The following CACNA1E variants were observed in gnomAD, a reference collection of about 807,000 sequenced individuals.
CACNA1E encodes voltage-dependent R-type calcium channel subunit alpha-1E.
A neutral mutation model predicts 259.2 loss-of-function variants in CACNA1E; 40 were observed. That is an observed-to-expected ratio of 0.15 (90% CI 0.12 to 0.20). The LOEUF (loss-of-function observed/expected upper bound fraction) is 0.20. Among genes scored for constraint, CACNA1E ranks in the 10% least tolerant of loss-of-function variants. The probability of loss-of-function intolerance (pLI) is 1.00; values close to 1 mark genes in which losing one functional copy is unlikely to be tolerated. For missense variants in CACNA1E, 1,874 were observed against 3,040.1 expected, an observed-to-expected ratio of 0.62 and a Z score of 9.02; for synonymous variants, 1,104 against 1,138.5, an observed-to-expected ratio of 0.97 and a Z score of 0.61.
At chr1:181,372,327 G>T (rs534421331) in intron 1 of CACNA1E, among the ~76,000 whole-genome samples, 2 of 152,216 alleles carry the variant, frequency 1.3e-5, no homozygotes, top group East Asian at 3.9e-4. Context: ...CTGGTTAGCT[G>T]TATTACTAGA....
intron 1 of CACNA1E, among the ~76,000 whole-genome samples, chr1:181,319,610 T>C (rs1024016196): frequency 3.9e-5 from 6 of 152,228 alleles, no homozygotes; most frequent in Non-Finnish European, 7.3e-5. Context: ...CTTTGTAGTA[T>C]AGTGTAATCA....
At chr1:181,771,428 A>G (rs757402076) in intron 36 of CACNA1E, 44 bp downstream of exon 36, 5 of 1,014,232 alleles carry the variant, frequency 4.9e-6, no homozygotes, top group South Asian at 4.1e-5. Context: ...CTCCTGATGG[A>G]GGGAGAGAGA....
intron 7 of CACNA1E, among the ~76,000 whole-genome samples, chr1:181,654,293 T>C (rs1659011835): frequency 6.6e-6 from 1 of 151,356 alleles, no homozygotes; most frequent in Non-Finnish European, 1.5e-5. Flanking sequence ...TATAAGAATG[T>C]AATAAAATAT....
At chr1:181,373,767 C>T (rs181497030) in intron 1 of CACNA1E, among the ~76,000 whole-genome samples, 4 of 152,058 alleles carry the variant, frequency 2.6e-5, no homozygotes, top group African/African-American at 7.2e-5. Flanking sequence ...CCTTGTGATC[C>T]GCCCGCCTTG....
intron 2 of CACNA1E, among the ~76,000 whole-genome samples, chr1:181,461,323 C>T (rs981108606): frequency 1.3e-5 from 2 of 151,934 alleles, no homozygotes; most frequent in African/African-American, 4.8e-5. Flanking sequence ...GGGCGGATCA[C>T]GAGGTCAGGA....
Position 181,772,051 on chromosome 1 carries a change from G to GTCTC in CACNA1E, c.4974-13_4974-10dup, listed in dbSNP as rs759546688. On this transcript the variant is annotated splice_polypyrimidine_tract_variant and intron_variant, in intron 36 of 47. Coordinates refer to ENST00000367573, the MANE Select transcript of CACNA1E (RefSeq NM_001205293.3). Reference sequence around the variant, plus strand: ...CAGAGCTGCTCCTGCTAACCAAAATGTCTCTTGGGCTCAGGAGTGCCACAG... The same window carrying GTCTC: ...CAGAGCTGCTCCTGCTAACCAAAATGTCTCTCTCTTGGGCTCAGGAGTGCCACAG... The GTCTC allele has an allele frequency of 2.2e-5, 36 of 1,611,408 alleles. No individual in the cohort carries two copies. Among genetic ancestry groups the GTCTC allele is most frequent in the Middle Eastern group, 3.3e-4 (2 of 6,064 alleles).
At chr1:181,534,315 G>A (rs1453321172) in intron 3 of CACNA1E, among the ~76,000 whole-genome samples, 1 of 152,090 alleles carries the variant, frequency 6.6e-6, no homozygotes, top group Non-Finnish European at 1.5e-5. Context: ...ATTATTGTGG[G>A]TGCTATTGAA....
intron 6 of CACNA1E, among the ~76,000 whole-genome samples, chr1:181,620,982 G>T (rs1480419645): frequency 6.6e-6 from 1 of 152,016 alleles, no homozygotes; most frequent in Non-Finnish European, 1.5e-5. Flanking sequence ...ACTCCAGGAG[G>T]GAAAAAAAGC....
intron 2 of CACNA1E, among the ~76,000 whole-genome samples, chr1:181,469,450 G>A (rs531737933): frequency 1.3e-5 from 2 of 152,066 alleles, no homozygotes; most frequent in Non-Finnish European, 2.9e-5. Flanking sequence ...GAAAGAGGAT[G>A]AGTTTGCTTT....
chr1:181,617,995 C>T (rs567931007), intron 6 of CACNA1E, among the ~76,000 whole-genome samples: 27 of 152,184 alleles, frequency 1.8e-4, no homozygotes, highest in Non-Finnish European at 2.8e-4. Flanking sequence ...TCAAAGACTC[C>T]AAAGTTGATA....
chr1:181,511,977 C>G (rs945180807), intron 3 of CACNA1E, among the ~76,000 whole-genome samples: 1 of 152,206 alleles, frequency 6.6e-6, no homozygotes, highest in Non-Finnish European at 1.5e-5. Flanking sequence ...ATCATTGAGA[C>G]TTGTGTTCTG....
chr1:181,579,351 C>A, intron 5 of CACNA1E, 127 bp downstream of exon 5: 1 of 761,118 alleles, frequency 1.3e-6, no homozygotes, highest in Non-Finnish European at 2.1e-6. Context: ...GAATCAGAAG[C>A]TTCTAGTCAG....
upstream of CACNA1E, among the ~76,000 whole-genome samples, chr1:181,479,380 G>A (rs918453285): frequency 3.3e-5 from 5 of 152,178 alleles, no homozygotes; most frequent in Non-Finnish European, 7.3e-5. Flanking sequence ...GTCCCTCTGA[G>A]ACTGGAAAGG....
intron 3 of CACNA1E, among the ~76,000 whole-genome samples, chr1:181,520,239 G>A (rs191549752): frequency 1.6e-3 from 237 of 152,208 alleles, no homozygotes; most frequent in African/African-American, 5.3e-3. Flanking sequence ...AGGTCAAATA[G>A]TTACTAAGGG....
chr1:181,555,985 G>A (rs146374594), intron 3 of CACNA1E, among the ~76,000 whole-genome samples: 6 of 152,256 alleles, frequency 3.9e-5, no homozygotes, highest in East Asian at 1.9e-4. Context: ...TGAGACTGAC[G>A]AAAACATGGG....
chr1:181,526,919 T>C (rs1667403707), intron 3 of CACNA1E, among the ~76,000 whole-genome samples: 2 of 152,264 alleles, frequency 1.3e-5, no homozygotes, highest in Admixed American at 1.3e-4. Flanking sequence ...TACTATTTTA[T>C]AGTTTATTGA....
chr1:181,637,662 G>T (rs1353168114), intron 6 of CACNA1E, among the ~76,000 whole-genome samples: 1 of 152,166 alleles, frequency 6.6e-6, no homozygotes, highest in Non-Finnish European at 1.5e-5. Flanking sequence ...AAGCAAACCT[G>T]CTTCTTGTTC....
At chr1:181,725,583 C>T (rs1418265991) in intron 17 of CACNA1E, among the ~76,000 whole-genome samples, 1 of 152,252 alleles carries the variant, frequency 6.6e-6, no homozygotes, top group African/African-American at 2.4e-5. Context: ...GGGATGAGAT[C>T]TTGGCCTAAG....
chr1:181,701,036 A>C (rs1038390639), intron 7 of CACNA1E, among the ~76,000 whole-genome samples: 1 of 152,248 alleles, frequency 6.6e-6, no homozygotes, highest in African/African-American at 2.4e-5. Flanking sequence ...CATAAGGAAG[A>C]ACCTTTTGGT....
Sources: gnomAD v4.1 joint callset for allele counts (sites outside exome capture counted in the v4.1 genomes callset) on GRCh38, gnomAD v4.1.1 for gene constraint, MANE v1.5 for transcripts, NCBI Gene and HGNC (gene_info 2026-07-23, HGNC 2026-07-21) for gene names.